The following TMEM50B variants were observed in gnomAD, a reference collection of about 807,000 sequenced individuals.
TMEM50B encodes HCV p7-trans-regulated protein 3.
TMEM50B carries 14 observed loss-of-function variants against 23.4 expected under a neutral mutation model. That is an observed-to-expected ratio of 0.60 (90% CI 0.39 to 0.93). The LOEUF (loss-of-function observed/expected upper bound fraction) is 0.93. Among genes scored for constraint, TMEM50B ranks in the 40% least tolerant of loss-of-function variants. TMEM50B has a pLI of 0.00. For synonymous variants in TMEM50B, 64 were observed against 62.3 expected (o/e 1.03, Z -0.13); for missense variants, 159 against 193.0 (o/e 0.82, Z 1.04).
chr21:33,454,575 A>C (rs995830597), intron 6 of TMEM50B, among the ~76,000 whole-genome samples: 1 of 152,154 alleles, frequency 6.6e-6, no homozygotes, highest in African/African-American at 2.4e-5. Flanking sequence ...TGCTGGGATT[A>C]CAGACATGAG....
At chr21:33,468,567 C>G (rs1470834468) in intron 2 of TMEM50B, 1 of 453,382 alleles carries the variant, frequency 2.2e-6, no homozygotes, top group African/African-American at 2.0e-5. Context: ...ATCACTGGAA[C>G]TGAAGAAAAG....
intron 7 of TMEM50B, among the ~76,000 whole-genome samples, chr21:33,440,790 GA>G (rs2084001516): frequency 6.6e-6 from 1 of 152,068 alleles, no homozygotes; most frequent in Non-Finnish European, 1.5e-5. Context: ...GCTGAGGCAG[GA>G]GAATCACTTG....
At chr21:33,474,437 G>C (rs1219885944) in intron 1 of TMEM50B, among the ~76,000 whole-genome samples, 2 of 151,210 alleles carry the variant, frequency 1.3e-5, no homozygotes, top group Non-Finnish European at 3.0e-5. Context: ...AAATGCTAAA[G>C]GGAATTCTTC....
intron 7 of TMEM50B, among the ~76,000 whole-genome samples, chr21:33,440,900 AAATAAC>A (rs2084002804): frequency 6.6e-6 from 1 of 151,530 alleles, no homozygotes; most frequent in African/African-American, 2.4e-5. Flanking sequence ...TAATAAAATA[AAATAAC>A]GTCTCTGTCC....
chr21:33,460,876 A>G (rs1568980719), intron 4 of TMEM50B, among the ~76,000 whole-genome samples: 1 of 152,220 alleles, frequency 6.6e-6, no homozygotes, highest in Non-Finnish European at 1.5e-5. Context: ...AGAAGGACTA[A>G]TATGTCCCTT....
In TMEM50B at chr21:33,450,451, C is replaced by CTT. The variant is rs540968151; in HGVS notation, c.*366_*367insAA. ...CCTCAAGCAATCGGCCCGCCTCGGC[C>CTT]TCCCAAAGTGCTGGGATTACAGGCA... On this transcript the variant is annotated 3_prime_UTR_variant, in exon 7 of 7. Coordinates refer to ENST00000542230, the MANE Select transcript of TMEM50B (RefSeq NM_006134.7). 591 of 163,786 alleles carry CTT rather than the reference C, an allele frequency of 3.6e-3. 4 individuals are homozygous for CTT. The highest frequency in any genetic ancestry group is 0.014 in the African/African-American group (570 of 42,052). 10.1% of individuals were successfully genotyped at this position (163,786 alleles called of 1,614,324 possible).
At chr21:33,477,871 C>T (rs1402174461) in intron 1 of TMEM50B, among the ~76,000 whole-genome samples, 2 of 151,842 alleles carry the variant, frequency 1.3e-5, no homozygotes, top group Non-Finnish European at 2.9e-5. Context: ...CACAGTGGCT[C>T]ACGCCTGTAA....
At position 33,467,255 on chromosome 21, in the gene TMEM50B, T is replaced by G. The variant is rs900838699; in HGVS notation, c.100-133A>C. 2.4e-5 allele frequency: 17 copies of G among 705,038 alleles called. No homozygotes were observed. In the South Asian group the frequency reaches 3.3e-4, roughly 14 times the overall value. 43.7% of individuals were successfully genotyped at this position (705,038 alleles called of 1,614,324 possible). A position where few individuals can be genotyped will look rare whatever the true frequency, so the allele number is the denominator to read the frequency against. Reference sequence around the variant, plus strand: ...AGGCTCACGCCTGTAATCCCAGCACTTTGGGAGGCCAAGGCAGGTGGATTA... The same window carrying G: ...AGGCTCACGCCTGTAATCCCAGCACGTTGGGAGGCCAAGGCAGGTGGATTA... On this transcript the variant is annotated intron_variant, in intron 2 of 6. Coordinates refer to ENST00000542230, the MANE Select transcript of TMEM50B (RefSeq NM_006134.7).
rs1030777511 is a variant in TMEM50B, at chr21:33,479,922, G to C, written c.-126C>G. ...GCCACAACCCTGCCGGCGTCCCGCG[G>C]CTCCACCTCAGCCCCGGGAGCCCGG... On this transcript the variant is annotated 5_prime_UTR_variant, in exon 1 of 7. Coordinates refer to ENST00000542230, the MANE Select transcript of TMEM50B (RefSeq NM_006134.7). The C allele has an allele frequency of 6.6e-6, 1 of 152,252 alleles. No homozygotes were observed. The highest frequency in any genetic ancestry group is 2.4e-5 in the African/African-American group (1 of 41,460). The allele number at this position is 152,252 out of a possible 1,614,324, so 9.4% of individuals were successfully genotyped here.
At chr21:33,451,102 T>C (rs150848518) in intron 6 of TMEM50B, among the ~76,000 whole-genome samples, 1 of 152,224 alleles carries the variant, frequency 6.6e-6, no homozygotes, top group Admixed American at 6.5e-5. Flanking sequence ...AACAGGCAAC[T>C]TGTAAGGAAA....
chr21:33,439,043 CTT>C (rs1476991458), intron 8 of TMEM50B, among the ~76,000 whole-genome samples: 1 of 151,994 alleles, frequency 6.6e-6, no homozygotes, highest in Non-Finnish European at 1.5e-5. Context: ...GGCTAACTCT[CTT>C]AAGTGTTGTG....
chr21:33,477,830 TAC>T (rs1210387667), intron 1 of TMEM50B, among the ~76,000 whole-genome samples: 2 of 148,054 alleles, frequency 1.4e-5, no homozygotes, highest in Non-Finnish European at 3.0e-5. Flanking sequence ...TATATATATA[TAC>T]ATAAGTTAAA....
chr21:33,456,513 T>G (rs542427389), intron 5 of TMEM50B, among the ~76,000 whole-genome samples: 24 of 152,360 alleles, frequency 1.6e-4, no homozygotes, highest in Admixed American at 3.3e-4. Context: ...ACTTAAATTT[T>G]TGTGGATTAT....
intron 5 of TMEM50B, among the ~76,000 whole-genome samples, chr21:33,456,823 T>A: frequency 6.6e-6 from 1 of 152,224 alleles, no homozygotes; most frequent in Non-Finnish European, 1.5e-5. Flanking sequence ...TAGAACAGTA[T>A]CTAGCCTATA....
At chr21:33,464,491 C>T (rs1489765583) in intron 4 of TMEM50B, among the ~76,000 whole-genome samples, 1 of 146,816 alleles carries the variant, frequency 6.8e-6, no homozygotes, top group Non-Finnish European at 1.5e-5. Flanking sequence ...TGAGCCACTG[C>T]GCCCGGCCGT....
chr21:33,457,196 G>A (rs887245896), intron 5 of TMEM50B, among the ~76,000 whole-genome samples: 3 of 151,950 alleles, frequency 2.0e-5, no homozygotes, highest in South Asian at 2.1e-4. Context: ...AGAGGTTGCC[G>A]TGGGCCAAGA....
At chr21:33,451,177 G>C (rs548101993) in intron 6 of TMEM50B, among the ~76,000 whole-genome samples, 48 of 152,302 alleles carry the variant, frequency 3.2e-4, no homozygotes, top group African/African-American at 1.2e-3. Flanking sequence ...AAAAGGGAGA[G>C]AGACCATTCT....
chr21:33,436,779 A>G (rs754826092), intron 8 of TMEM50B: 1 of 1,526,556 alleles, frequency 6.6e-7, no homozygotes. Flanking sequence ...AAGGTCTGGT[A>G]TACTGAACTG....
chr21:33,432,619 A>G, exon 9 of TMEM50B: 1 of 1,380,072 alleles, frequency 7.2e-7, no homozygotes, highest in Non-Finnish European at 1.0e-6. Context: ...TTACTAGGAC[A>G]GGAATGCTCT....
Sources: gnomAD v4.1 joint callset for allele counts (sites outside exome capture counted in the v4.1 genomes callset) on GRCh38, gnomAD v4.1.1 for gene constraint, MANE v1.5 for transcripts, NCBI Gene and HGNC (gene_info 2026-07-23, HGNC 2026-07-21) for gene names.